Variants in CNOT10 observed in about 807,000 individuals in gnomAD.
The protein encoded by CNOT10 is CCR4-NOT transcription complex, subunit 10.
CNOT10 carries 30 observed loss-of-function variants against 94.6 expected under a neutral mutation model. The observed-to-expected ratio is 0.32, with a 90% confidence interval of 0.24 to 0.43. The LOEUF is 0.43. CNOT10 is among the 20% of genes least tolerant of loss of function. The probability of loss-of-function intolerance (pLI) is 1.00; values close to 1 mark genes in which losing one functional copy is unlikely to be tolerated. For missense variants in CNOT10, 759 were observed against 877.2 expected, an observed-to-expected ratio of 0.87 and a Z score of 1.70; for synonymous variants, 289 against 301.6, an observed-to-expected ratio of 0.96 and a Z score of 0.43.
At chr3:32,757,332 A>G (rs1004309072) in intron 13 of CNOT10, among the ~76,000 whole-genome samples, 2 of 151,682 alleles carry the variant, frequency 1.3e-5, no homozygotes, top group Non-Finnish European at 2.9e-5. Context: ...GGCATGCGCC[A>G]CCACACCCAG....
intron 18 of CNOT10, among the ~76,000 whole-genome samples, chr3:32,772,303 C>T (rs138066268): frequency 6.9e-4 from 105 of 151,420 alleles, no homozygotes; most frequent in African/African-American, 2.3e-3. Context: ...GAGCCGAGAT[C>T]GTGCCACTGC....
chr3:32,725,342 A>G (rs1274458444), intron 8 of CNOT10, 108 bp from the exon 9 acceptor site: 17 of 820,632 alleles, frequency 2.1e-5, no homozygotes, highest in Non-Finnish European at 3.2e-5. Context: ...TTTAGGGAGT[A>G]AGTGGAATGG....
chr3:32,735,331 T>TCCGTCTCAAAAAAAAAAAA (rs1273249188), intron 12 of CNOT10, among the ~76,000 whole-genome samples: 1 of 146,816 alleles, frequency 6.8e-6, no homozygotes, highest in African/African-American at 2.6e-5. Flanking sequence ...GGCGACAGAG[T>TCCGTCTCAAAAAAAAAAAA]GAGACTTCAT....
chr3:32,689,226 G>A (rs1237959763), intron 1 of CNOT10, among the ~76,000 whole-genome samples: 3 of 151,874 alleles, frequency 2.0e-5, no homozygotes, highest in East Asian at 1.9e-4. Flanking sequence ...GGTGGCAGAC[G>A]CCTGTATTCC....
At chr3:32,714,163 T>C (rs1698015881) in intron 5 of CNOT10, among the ~76,000 whole-genome samples, 1 of 152,208 alleles carries the variant, frequency 6.6e-6, no homozygotes, top group Non-Finnish European at 1.5e-5. Context: ...CTCCACATTG[T>C]TACCAACACT....
chr3:32,723,753 T>C (rs1698527019), intron 8 of CNOT10, among the ~76,000 whole-genome samples: 3 of 151,986 alleles, frequency 2.0e-5, no homozygotes, highest in African/African-American at 4.8e-5. Context: ...GTAAAACAAC[T>C]AGTAACCAAC....
intron 1 of CNOT10, among the ~76,000 whole-genome samples, chr3:32,703,099 T>G (rs6763151): frequency 1.6e-5 from 2 of 122,150 alleles, no homozygotes; most frequent in African/African-American, 6.0e-5. Context: ...TTTTTTTTTG[T>G]ATTTTTAGTA....
At chr3:32,718,004 C>T (rs1698199399) in intron 7 of CNOT10, among the ~76,000 whole-genome samples, 1 of 152,132 alleles carries the variant, frequency 6.6e-6, no homozygotes, top group African/African-American at 2.4e-5. Context: ...CCTTCCACTC[C>T]CTCCACCCTA....
chr3:32,773,688 T>G lies in CNOT10; in HGVS notation c.*77T>G. On this transcript the variant is annotated 3_prime_UTR_variant, in exon 19 of 19. Coordinates refer to ENST00000328834, the MANE Select transcript of CNOT10 (RefSeq NM_015442.3). ...CCATTTTAGTTGTATCACAGCAGAATGAATAAAAGATGGTGAAGGCTGTTA... is the reference window on the plus strand; with the variant it reads ...CCATTTTAGTTGTATCACAGCAGAAGGAATAAAAGATGGTGAAGGCTGTTA... 1 of 1,410,630 alleles carries G rather than the reference T, an allele frequency of 7.1e-7. No homozygotes were observed. The highest frequency in any genetic ancestry group is 1.5e-5 in the South Asian group (1 of 67,730). 87.4% of individuals were successfully genotyped at this position (1,410,630 alleles called of 1,614,324 possible).
intron 13 of CNOT10, chr3:32,753,918 T>A (rs995198265): frequency 2.6e-5 from 26 of 1,019,332 alleles, no homozygotes; most frequent in African/African-American, 6.5e-5. Flanking sequence ...TAATTTGCTC[T>A]CACACACACA....
At chr3:32,721,426 CATCTTTTTTTTT>C (rs1698400441) in intron 8 of CNOT10, among the ~76,000 whole-genome samples, 1 of 85,620 alleles carries the variant, frequency 1.2e-5, no homozygotes, top group African/African-American at 4.2e-5. Context: ...ATTTTTCTTT[CATCTTTTTTTTT>C]TTTTTTTTTT....
intron 8 of CNOT10, among the ~76,000 whole-genome samples, chr3:32,721,903 C>T (rs370004701): frequency 1.6e-4 from 24 of 151,990 alleles, no homozygotes; most frequent in African/African-American, 4.3e-4. Flanking sequence ...CCGCCCGCCT[C>T]GGCCTCCCAA....
Position 32,773,539 on chromosome 3 carries a change from G to A in CNOT10, c.2163G>A (p.Lys721=), listed in dbSNP as rs759090426. 9.3e-6 allele frequency: 15 copies of A among 1,614,066 alleles called. No homozygotes were observed. In the South Asian group the frequency reaches 1.6e-4, roughly 18 times the overall value. The change falls in exon 19 of 19, where the codon AAG becomes AAA. Residue 721 remains lysine (K), a synonymous_variant. Coordinates refer to ENST00000328834, the MANE Select transcript of CNOT10 (RefSeq NM_015442.3). The part of the protein sequence containing the change: ...AVKTHSEVRK[K]PVFQPVHPIQ... ...AAACACACTCTGAAGTGAGAAAGAA[G>A]CCAGTGTTTCAGCCTGTCCACCCGA...
At chr3:32,687,162 A>G (rs1236229230) in intron 1 of CNOT10, among the ~76,000 whole-genome samples, 2 of 152,082 alleles carry the variant, frequency 1.3e-5, no homozygotes, top group African/African-American at 4.8e-5. Context: ...ATCTCTGCTC[A>G]TCTCCATCTC....
intron 8 of CNOT10, among the ~76,000 whole-genome samples, chr3:32,723,132 A>G (rs7430903): frequency 0.061 from 9,328 of 152,090 alleles, 332 homozygotes; most frequent in African/African-American, 0.091. Context: ...GGTGGCTCAC[A>G]CCTGTAATCT....
chr3:32,706,560 C>T lies in CNOT10; in HGVS notation c.279+1588C>T, dbSNP rs374917043. Among the ~76,000 whole-genome samples the T allele has an allele frequency of 1.1e-4, 17 of 152,296 alleles. No homozygotes were observed. The South Asian group carries it at 1.7e-3, about 15-fold the overall frequency. On this transcript the variant is annotated intron_variant, in intron 3 of 18. Coordinates refer to ENST00000328834, the MANE Select transcript of CNOT10 (RefSeq NM_015442.3). ...AACCTATTCCATTTTAATTAGCAAA[C>T]GTCTAATTTCACTTAATGAGTAGTT...
At chr3:32,738,022 T>C (rs192093702) in intron 13 of CNOT10, among the ~76,000 whole-genome samples, 138 of 152,282 alleles carry the variant, frequency 9.1e-4, no homozygotes, top group African/African-American at 3.3e-3. Context: ...TACTTTTCTT[T>C]CCTAGAAATG....
intron 14 of CNOT10, among the ~76,000 whole-genome samples, chr3:32,761,119 A>T (rs1220259122): frequency 6.6e-6 from 1 of 152,024 alleles, no homozygotes; most frequent in African/African-American, 2.4e-5. Flanking sequence ...ACAGAGTGAG[A>T]CTCCATCTCA....
Position 32,733,520 on chromosome 3 carries a change from A to G in CNOT10, c.1313A>G (p.Gln438Arg). 6.3e-7 allele frequency: 1 copy of G among 1,593,496 alleles called. No homozygotes were observed. Among genetic ancestry groups the G allele is most frequent in the Non-Finnish European group, 8.6e-7 (1 of 1,163,754 alleles). ...CATCGTAAAATAGTTTTGGCATCAC[A>G]GTCTATACAGAATACTGTTTATAAG... is the stretch of plus-strand genomic sequence containing the variant. ...GYHRKIVLAS[Q>R]SIQNTVYNDG... Residue 438 changes from glutamine (Q) to arginine (R), a missense_variant, in exon 11 of 19, where the codon CAG becomes CGG. Physicochemically the swap from Gln to Arg is conservative, Grantham distance 43. Transcript: ENST00000328834.
Sources: allele counts gnomAD v4.1 joint callset (sites outside exome capture counted in the v4.1 genomes callset), GRCh38; gene constraint gnomAD v4.1.1; transcripts MANE v1.5; gene names NCBI Gene and HGNC (gene_info 2026-07-23, HGNC 2026-07-21).